The following GPR89B variants were observed in gnomAD, a reference collection of about 807,000 sequenced individuals.
The protein encoded by GPR89B is golgi pH regulator B, also known as G protein-coupled receptor 89B.
A neutral mutation model predicts 52.4 loss-of-function variants in GPR89B; 25 were observed. The ratio of observed to expected loss-of-function variants is 0.48; its 90% CI spans 0.35 to 0.67. GPR89B has a LOEUF of 0.67. Ranked by LOEUF, GPR89B falls within the 30% of genes least tolerant of loss-of-function variation. GPR89B has a pLI of 0.01. For synonymous variants in GPR89B, 52 were observed against 151.2 expected (o/e 0.34, Z 4.81); for missense variants, 146 against 450.2 (o/e 0.32, Z 6.11).
intron 5 of GPR89B, among the ~76,000 whole-genome samples, chr1:147,947,582 T>C (rs1289864797): frequency 1.3e-5 from 2 of 151,740 alleles, no homozygotes; most frequent in African/African-American, 4.8e-5. Flanking sequence ...GATGACTGAC[T>C]CCTACTTCAT....
chr1:147,965,039 C>T (rs1450888958), intron 7 of GPR89B, among the ~76,000 whole-genome samples: 2 of 151,174 alleles, frequency 1.3e-5, no homozygotes, highest in Admixed American at 6.6e-5. Context: ...CTTAATCTTA[C>T]AAGTCAGAAT....
chr1:148,012,387 CT>C, the GPR89B span, among the ~76,000 whole-genome samples: 2 of 151,982 alleles, frequency 1.3e-5, no homozygotes, highest in Admixed American at 6.5e-5. Context: ...CGGATTTCCC[CT>C]TTTACTGTTT....
downstream of GPR89B, among the ~76,000 whole-genome samples, chr1:147,997,088 A>G (rs1659331540): frequency 6.6e-6 from 1 of 152,182 alleles, no homozygotes; most frequent in Non-Finnish European, 1.5e-5. Flanking sequence ...GCTATACATA[A>G]TCTCCCTGTT....
At position 147,970,265 on chromosome 1, in the gene GPR89B, G is replaced by A. The variant is rs1446582845; in HGVS notation, c.909+306G>A. ...AATCCCAGCACTTTCGGAGGCCAAG[G>A]CAGGCATATCACCTGAGGTCAGGAA... On this transcript the variant is annotated intron_variant, in intron 10 of 13. Transcript: ENST00000314163. 3.9e-5 allele frequency among the ~76,000 whole-genome samples: 6 copies of A among 151,936 alleles called. 1 individual carries two copies. Among genetic ancestry groups the A allele is most frequent in the African/African-American group, 1.5e-4 (6 of 41,246 alleles).
At chr1:147,982,684 A>G (rs1474780636) in intron 10 of GPR89B, among the ~76,000 whole-genome samples, 1 of 131,792 alleles carries the variant, frequency 7.6e-6, no homozygotes, top group Admixed American at 8.2e-5. Flanking sequence ...TTCTGTGAAG[A>G]AAGTCATTGG....
At chr1:148,008,537 G>A in the GPR89B span, among the ~76,000 whole-genome samples, 4 of 152,058 alleles carry the variant, frequency 2.6e-5, no homozygotes, top group African/African-American at 4.8e-5. Context: ...CCTACCACCA[G>A]TGCTTCTCCA....
intron 10 of GPR89B, among the ~76,000 whole-genome samples, chr1:147,982,253 G>A (rs1324625154): frequency 6.6e-6 from 1 of 151,324 alleles, no homozygotes; most frequent in Non-Finnish European, 1.5e-5. Context: ...GTAGAGACAG[G>A]GTTTCACCAT....
At chr1:148,021,257 C>A in the GPR89B span, among the ~76,000 whole-genome samples, 2 of 151,398 alleles carry the variant, frequency 1.3e-5, no homozygotes, top group Non-Finnish European at 2.9e-5. Context: ...AATCCCAGCA[C>A]TTTGGGAGGC....
the GPR89B span, chr1:148,011,563 G>C: frequency 3.9e-5 from 6 of 152,354 alleles, no homozygotes; most frequent in Non-Finnish European, 8.8e-5. Context: ...GAGACTCTTC[G>C]TGAGTCGGAG....
At chr1:148,025,307 T>G in the GPR89B span, among the ~76,000 whole-genome samples, 4 of 151,854 alleles carry the variant, frequency 2.6e-5, no homozygotes, top group Non-Finnish European at 5.9e-5. Flanking sequence ...GCAGCCTTGC[T>G]AACAACTTCT....
chr1:147,970,555 ATCTCTCTC>A (rs1200595357), intron 10 of GPR89B, among the ~76,000 whole-genome samples: 21 of 76,484 alleles, frequency 2.7e-4, no homozygotes, highest in South Asian at 4.5e-4. Context: ...CTCTCTCTCT[ATCTCTCTC>A]TCTCTCTATA....
the GPR89B span, among the ~76,000 whole-genome samples, chr1:148,018,611 T>G: frequency 6.6e-6 from 1 of 151,416 alleles, no homozygotes. Flanking sequence ...AAATGTGGAC[T>G]CTAATGGTTC....
the GPR89B span, among the ~76,000 whole-genome samples, chr1:148,014,141 G>A: frequency 6.6e-6 from 1 of 151,276 alleles, no homozygotes; most frequent in Non-Finnish European, 1.5e-5. Context: ...CGGCTGCCAC[G>A]GTTCCACGCT....
chr1:147,992,671 C>T, intron 13 of GPR89B, 40 bp from the exon 14 acceptor site: 5 of 1,237,926 alleles, frequency 4.0e-6, no homozygotes, highest in Non-Finnish European at 4.8e-6. Flanking sequence ...TTCCTCACTA[C>T]ATTCAGAGTC....
chr1:147,981,985 A>C (rs1368960076), intron 10 of GPR89B, among the ~76,000 whole-genome samples: 5 of 151,420 alleles, frequency 3.3e-5, no homozygotes, highest in African/African-American at 1.2e-4. Flanking sequence ...TATATGTTTT[A>C]ATTTCTCTTA....
chr1:147,950,243 C>T (rs1331222679), intron 5 of GPR89B, among the ~76,000 whole-genome samples: 1 of 151,518 alleles, frequency 6.6e-6, no homozygotes, highest in Non-Finnish European at 1.5e-5. Flanking sequence ...AGACGCTCCT[C>T]ACCTCCCAGA....
At position 147,940,710 on chromosome 1, in the gene GPR89B, A is replaced by G. The variant is rs1291914193; in HGVS notation, c.206+1893A>G. On this transcript the variant is annotated intron_variant, in intron 3 of 13. Transcript: ENST00000314163. ...CAAACGAGCATGGCCATGCTCCAAT[A>G]AACTTAATTTGTAAAAACAGGTGGC... 2.0e-5 allele frequency among the ~76,000 whole-genome samples: 3 copies of G among 152,172 alleles called. No homozygotes were observed. In the South Asian group the frequency reaches 6.2e-4, roughly 32 times the overall value.
At chr1:147,963,942 C>T (rs1328266459) in intron 7 of GPR89B, among the ~76,000 whole-genome samples, 3 of 151,986 alleles carry the variant, frequency 2.0e-5, no homozygotes, top group Non-Finnish European at 2.9e-5. Context: ...GAATATATAC[C>T]GTATGATTCT....
chr1:148,012,673 A>G, the GPR89B span, among the ~76,000 whole-genome samples: 67 of 152,086 alleles, frequency 4.4e-4, no homozygotes, highest in South Asian at 1.0e-2. Context: ...AGAGGAGAGG[A>G]AAGAATAATA....
Sources: gnomAD v4.1 joint callset for allele counts (sites outside exome capture counted in the v4.1 genomes callset) on GRCh38, gnomAD v4.1.1 for gene constraint, MANE v1.5 for transcripts, NCBI Gene and HGNC (gene_info 2026-07-23, HGNC 2026-07-21) for gene names.